The following SORCS2 variants were observed in gnomAD, a reference collection of about 807,000 sequenced individuals.
The protein encoded by SORCS2 is VPS10 domain-containing receptor SorCS2.
A neutral mutation model predicts 141.6 loss-of-function variants in SORCS2; 100 were observed. That is an observed-to-expected ratio of 0.71 (90% CI 0.60 to 0.83). The LOEUF is 0.83. SORCS2 is among the 40% of genes least tolerant of loss of function. The probability of loss-of-function intolerance (pLI) is 0.00; values close to 1 mark genes in which losing one functional copy is unlikely to be tolerated. For missense variants in SORCS2, 1,646 were observed against 1,560.2 expected (o/e 1.05, Z -0.93); for synonymous variants, 789 against 676.9 (o/e 1.17, Z -2.57).
intron 1 of SORCS2, among the ~76,000 whole-genome samples, chr4:7,274,036 C>G (rs992037238): frequency 6.6e-6 from 1 of 152,230 alleles, no homozygotes; most frequent in Non-Finnish European, 1.5e-5. Context: ...TCTAGGTTTG[C>G]AAACACATGT....
At chr4:7,659,547 G>GC (rs1722020406) in intron 5 of SORCS2, among the ~76,000 whole-genome samples, 1 of 152,208 alleles carries the variant, frequency 6.6e-6, no homozygotes, top group African/African-American at 2.4e-5. Context: ...TTTCAGACTT[G>GC]CCAACCCTGA....
At chr4:7,644,529 A>C (rs11932646) in intron 4 of SORCS2, among the ~76,000 whole-genome samples, 33,506 of 152,218 alleles carry the variant, frequency 0.22, 8,293 homozygotes, top group African/African-American at 0.62. Flanking sequence ...AGGGAGTCCA[A>C]GTGATGCTGG....
intron 1 of SORCS2, among the ~76,000 whole-genome samples, chr4:7,374,195 C>A (rs942874466): frequency 7.2e-6 from 1 of 138,662 alleles, no homozygotes; most frequent in Admixed American, 7.3e-5. Context: ...TTCTTTCTTT[C>A]TTTTTTGCAG....
intron 1 of SORCS2, among the ~76,000 whole-genome samples, chr4:7,202,410 CCTT>C (rs148821689): frequency 0.019 from 2,869 of 152,234 alleles, 104 homozygotes; most frequent in African/African-American, 0.062. Context: ...TGGAAAATCT[CCTT>C]CTTATTTTGC....
intron 1 of SORCS2, among the ~76,000 whole-genome samples, chr4:7,216,847 G>A (rs1728382454): frequency 6.6e-6 from 1 of 152,142 alleles, no homozygotes. Context: ...AGCCTGCCCT[G>A]CCCTCGAGCC....
At chr4:7,377,474 C>T (rs975647573) in intron 1 of SORCS2, among the ~76,000 whole-genome samples, 1 of 152,202 alleles carries the variant, frequency 6.6e-6, no homozygotes, top group African/African-American at 2.4e-5. Flanking sequence ...CTTCAGCTTC[C>T]CCTCTGAAAG....
chr4:7,240,152 C>T (rs1712591815), intron 1 of SORCS2, among the ~76,000 whole-genome samples: 1 of 152,178 alleles, frequency 6.6e-6, no homozygotes, highest in South Asian at 2.1e-4. Context: ...GACCCCGGCC[C>T]CACGGGGCTG....
chr4:7,466,772 C>A (rs148221597), intron 2 of SORCS2, among the ~76,000 whole-genome samples: 2 of 152,120 alleles, frequency 1.3e-5, no homozygotes, highest in East Asian at 3.9e-4. Context: ...TCTGGCTGGG[C>A]GATTCCCTAA....
At chr4:7,425,872 G>A (rs567839515) in intron 2 of SORCS2, among the ~76,000 whole-genome samples, 25 of 152,338 alleles carry the variant, frequency 1.6e-4, no homozygotes, top group Middle Eastern at 3.4e-3. Context: ...GCTCTGCCTC[G>A]TCCACACTTC....
intron 1 of SORCS2, among the ~76,000 whole-genome samples, chr4:7,312,195 G>A (rs1428019490): frequency 2.0e-5 from 3 of 152,150 alleles, no homozygotes; most frequent in African/African-American, 4.8e-5. Context: ...TTCTCTTAAC[G>A]GTGGCTGCTG....
At chr4:7,195,924 C>A (rs1038428116) in intron 1 of SORCS2, among the ~76,000 whole-genome samples, 1 of 152,166 alleles carries the variant, frequency 6.6e-6, no homozygotes, top group Non-Finnish European at 1.5e-5. Context: ...GAACAGAGAG[C>A]GTGTTTACTT....
chr4:7,724,738 A>G (rs142586618), intron 19 of SORCS2, among the ~76,000 whole-genome samples: 1,790 of 9,218 alleles, frequency 0.19, 60 homozygotes, highest in African/African-American at 0.23. Flanking sequence ...GGATGGTGGT[A>G]GTAGTGGTGA....
intron 2 of SORCS2, among the ~76,000 whole-genome samples, chr4:7,451,279 C>T (rs1222539271): frequency 2.0e-5 from 3 of 152,148 alleles, no homozygotes; most frequent in Non-Finnish European, 4.4e-5. Flanking sequence ...AGGTCTTCAG[C>T]AGCAGCAGCA....
intron 24 of SORCS2, among the ~76,000 whole-genome samples, chr4:7,733,871 C>T (rs570314940): frequency 1.1e-4 from 17 of 152,292 alleles, no homozygotes; most frequent in African/African-American, 3.6e-4. Context: ...GGTCAAGGGG[C>T]GGGGACCTCT....
intron 1 of SORCS2, among the ~76,000 whole-genome samples, chr4:7,230,634 CAT>C (rs1711794022): frequency 8.3e-6 from 1 of 120,370 alleles, no homozygotes; most frequent in African/African-American, 2.9e-5. Context: ...GGAGCAGTGT[CAT>C]GTGCTCATGT....
intron 26 of SORCS2, 66 bp from the exon 27 acceptor site, chr4:7,740,133 TC>T: frequency 7.1e-7 from 1 of 1,406,310 alleles, no homozygotes; most frequent in East Asian, 2.4e-5. Flanking sequence ...CACGACCGTG[TC>T]CCCTGTGGCC....
intron 3 of SORCS2, among the ~76,000 whole-genome samples, chr4:7,583,511 C>T (rs918512258): frequency 5.3e-5 from 8 of 152,162 alleles, no homozygotes; most frequent in Non-Finnish European, 1.2e-4. Context: ...ATTGTAGCTC[C>T]CATAATTCCC....
intron 2 of SORCS2, among the ~76,000 whole-genome samples, chr4:7,458,141 A>T (rs1240969071): frequency 6.6e-6 from 1 of 152,158 alleles, no homozygotes; most frequent in East Asian, 1.9e-4. Context: ...TCTTCCGGAA[A>T]GAGGGAAGAT....
rs540200932 is a variant in SORCS2 at position 7,227,658 on chromosome 4, TCCCAGCCTCA to T, written c.480+34537_480+34546del. 2.2e-4 allele frequency among the ~76,000 whole-genome samples: 33 copies of T among 152,218 alleles called. No individual in the cohort carries two copies. In the East Asian group the frequency reaches 6.4e-3, roughly 29 times the overall value. On this transcript the variant is annotated intron_variant, in intron 1 of 26. Transcript: ENST00000507866. ...CCAGCCCCATTGCCAGGGAGTCGTT[TCCCAGCCTCA>T]CCCACCGCGCTGCTTCCTCCCTCCT...
Sources: allele counts gnomAD v4.1 joint callset (sites outside exome capture counted in the v4.1 genomes callset), GRCh38; gene constraint gnomAD v4.1.1; transcripts MANE v1.5; gene names NCBI Gene and HGNC (gene_info 2026-07-23, HGNC 2026-07-21).